The following PDSS2 variants were observed in gnomAD, a reference collection of about 807,000 sequenced individuals.
PDSS2 encodes decaprenyl diphosphate synthase subunit 2.
A neutral mutation model predicts 44.5 loss-of-function variants in PDSS2; 31 were observed. The ratio of observed to expected loss-of-function variants is 0.70; its 90% CI spans 0.52 to 0.94. PDSS2 has a LOEUF of 0.94. PDSS2 is among the 40% of genes least tolerant of loss of function. The probability of loss-of-function intolerance (pLI) is 0.00; values close to 1 mark genes in which losing one functional copy is unlikely to be tolerated. For missense variants in PDSS2, 452 were observed against 482.2 expected (o/e 0.94, Z 0.59); for synonymous variants, 157 against 180.3 (o/e 0.87, Z 1.03).
intron 7 of PDSS2, among the ~76,000 whole-genome samples, chr6:107,177,208 G>A (rs1771824571): frequency 6.9e-6 from 1 of 144,382 alleles, no homozygotes; most frequent in African/African-American, 2.6e-5. Context: ...TTGGCTCACT[G>A]CAACCTCTGC....
At chr6:107,458,959 C>T in intron 1 of PDSS2, 31 bp downstream of exon 1, 2 of 1,606,840 alleles carry the variant, frequency 1.2e-6, no homozygotes, top group Non-Finnish European at 1.7e-6. Context: ...CCAATGAGTG[C>T]GAGTGTGTCA....
chr6:107,255,137 G>A (rs1471577139), intron 3 of PDSS2, among the ~76,000 whole-genome samples: 1 of 151,366 alleles, frequency 6.6e-6, no homozygotes, highest in Non-Finnish European at 1.5e-5. Context: ...ACAGCCGTGA[G>A]CTACCACGCC....
chr6:107,206,870 CCAAA>C (rs760860977), intron 6 of PDSS2, among the ~76,000 whole-genome samples: 7 of 152,042 alleles, frequency 4.6e-5, no homozygotes, highest in Non-Finnish European at 8.8e-5. Context: ...CGGGCTGCCA[CCAAA>C]CAGTCTCAAC....
At chr6:107,304,287 T>C (rs1776787368) in intron 2 of PDSS2, among the ~76,000 whole-genome samples, 2 of 152,266 alleles carry the variant, frequency 1.3e-5, no homozygotes. Flanking sequence ...TTCAGGGTTA[T>C]CTGGGAGTTG....
intron 7 of PDSS2, among the ~76,000 whole-genome samples, chr6:107,186,571 G>A (rs577375673): frequency 6.6e-6 from 1 of 152,222 alleles, no homozygotes; most frequent in East Asian, 1.9e-4. Flanking sequence ...GGTGGTTTGT[G>A]CACCTATTGA....
intron 1 of PDSS2, among the ~76,000 whole-genome samples, chr6:107,390,382 T>C (rs1779742700): frequency 6.6e-6 from 1 of 152,100 alleles, no homozygotes; most frequent in Non-Finnish European, 1.5e-5. Context: ...CCAGTCTACA[T>C]AAGCAAACCC....
At chr6:107,190,202 T>G (rs902029477) in intron 7 of PDSS2, among the ~76,000 whole-genome samples, 4 of 152,182 alleles carry the variant, frequency 2.6e-5, no homozygotes, top group Admixed American at 1.3e-4. Context: ...ATCCCAGTCT[T>G]TATCTTCAAA....
intron 1 of PDSS2, among the ~76,000 whole-genome samples, chr6:107,376,967 C>G (rs1211928765): frequency 6.6e-6 from 1 of 151,780 alleles, no homozygotes; most frequent in African/African-American, 2.4e-5. Flanking sequence ...CCATTCAGGA[C>G]ATAGGCATGG....
At chr6:107,410,284 C>T (rs551480410) in intron 1 of PDSS2, among the ~76,000 whole-genome samples, 1 of 152,228 alleles carries the variant, frequency 6.6e-6, no homozygotes, top group East Asian at 1.9e-4. Flanking sequence ...TCTATTGTCT[C>T]ACTCCCACCC....
rs145327566 is a variant in PDSS2 at position 107,225,044 on chromosome 6, G to A, written c.703-12762C>T. ...AGTTCTTGCCACACAGGCCACTCAC[G>A]TGCCATGGCAGCTGGCTTCCCTAGA... On this transcript the variant is annotated intron_variant, in intron 4 of 7. Coordinates refer to ENST00000369037, the MANE Select transcript of PDSS2 (RefSeq NM_020381.4). Among the ~76,000 whole-genome samples, 31 of 147,098 alleles carry A rather than the reference G, an allele frequency of 2.1e-4. 1 individual carries two copies. The highest frequency in any genetic ancestry group is 8.4e-4 in the South Asian group (4 of 4,740).
intron 7 of PDSS2, among the ~76,000 whole-genome samples, chr6:107,175,867 C>T (rs1037410093): frequency 6.6e-6 from 1 of 152,130 alleles, no homozygotes; most frequent in Non-Finnish European, 1.5e-5. Context: ...ATTATCTCAT[C>T]CGCCACTGAG....
intron 1 of PDSS2, among the ~76,000 whole-genome samples, chr6:107,410,442 A>T (rs557746712): frequency 6.6e-6 from 1 of 151,666 alleles, no homozygotes; most frequent in Admixed American, 6.6e-5. Context: ...TACACAAAGG[A>T]TAGCATGTTA....
In PDSS2 at chr6:107,330,162, C is replaced by A. The variant is rs551963901; in HGVS notation, c.431+4036G>T. 3.3e-5 allele frequency among the ~76,000 whole-genome samples: 5 copies of A among 152,256 alleles called. No homozygotes were observed. The East Asian group carries it at 5.8e-4, about 18-fold the overall frequency. On this transcript the variant is annotated intron_variant, in intron 2 of 7. Coordinates refer to ENST00000369037, the MANE Select transcript of PDSS2 (RefSeq NM_020381.4). ...TTCCTTCAAGAGTGATTCAGGGACA[C>A]AGGCAACTTTCATCTTGAATGGGTC...
chr6:107,337,344 A>G (rs1375185266), intron 1 of PDSS2, among the ~76,000 whole-genome samples: 1 of 152,176 alleles, frequency 6.6e-6, no homozygotes. Flanking sequence ...TCTAGAGTCT[A>G]CATACACTTT....
intron 7 of PDSS2, among the ~76,000 whole-genome samples, chr6:107,186,897 A>G (rs1290638890): frequency 1.3e-5 from 2 of 152,238 alleles, no homozygotes; most frequent in African/African-American, 4.8e-5. Flanking sequence ...ATTTCCAGCA[A>G]TAAATGAATT....
chr6:107,404,098 C>T (rs1780232599), intron 1 of PDSS2, among the ~76,000 whole-genome samples: 1 of 152,192 alleles, frequency 6.6e-6, no homozygotes, highest in Admixed American at 6.5e-5. Context: ...TAAATCATCT[C>T]TCTCAAGTTC....
At chr6:107,168,997 G>C (rs1771460608) in intron 7 of PDSS2, among the ~76,000 whole-genome samples, 1 of 152,220 alleles carries the variant, frequency 6.6e-6, no homozygotes, top group Non-Finnish European at 1.5e-5. Context: ...GGCGTTCTCT[G>C]TATTTCCTGA....
Position 107,220,023 on chromosome 6 carries a change from T to A in PDSS2, c.703-7741A>T, listed in dbSNP as rs1276530675. The stretch of plus-strand genomic sequence containing the variant: ...AAGAAGCCGGACACAAGAGACCACA[T>A]ATTTGTATAATTCCATTGATGTGAA... On this transcript the variant is annotated intron_variant, in intron 4 of 7. Coordinates refer to ENST00000369037, the MANE Select transcript of PDSS2 (RefSeq NM_020381.4). Among the ~76,000 whole-genome samples, 5 of 152,154 alleles carry A rather than the reference T, an allele frequency of 3.3e-5. 1 individual carries two copies. In the East Asian group the frequency reaches 7.7e-4, roughly 23 times the overall value.
At chr6:107,307,394 C>A (rs1776894366) in intron 2 of PDSS2, among the ~76,000 whole-genome samples, 1 of 152,180 alleles carries the variant, frequency 6.6e-6, no homozygotes, top group African/African-American at 2.4e-5. Context: ...GCATTCAAAT[C>A]AGCGTACTTG....
Sources: gnomAD v4.1 joint callset for allele counts (sites outside exome capture counted in the v4.1 genomes callset) on GRCh38, gnomAD v4.1.1 for gene constraint, MANE v1.5 for transcripts, NCBI Gene and HGNC (gene_info 2026-07-23, HGNC 2026-07-21) for gene names.